Variants in TNRC18 observed in about 807,000 individuals in gnomAD.
The protein encoded by TNRC18 is trinucleotide repeat containing 18, also known as trinucleotide repeat-containing gene 18 protein.
Under a neutral mutation model 226.7 loss-of-function variants are expected in TNRC18, and 69 were observed. The ratio of observed to expected loss-of-function variants is 0.30; its 90% confidence interval spans 0.25 to 0.37. TNRC18 has a LOEUF of 0.37. TNRC18 is among the 10% of genes least tolerant of loss of function. The pLI, the probability that TNRC18 is intolerant of heterozygous loss-of-function variation, is 1.00. For synonymous variants in TNRC18, 2,449 were observed against 1,927.6 expected (o/e 1.27, Z -7.09); for missense variants, 4,754 against 4,256.6 (o/e 1.12, Z -3.25).
At chr7:5,308,464 C>A (rs1185549973) in intron 29 of TNRC18, among the ~76,000 whole-genome samples, 152 bp from the exon 30 acceptor site, 1 of 151,048 alleles carries the variant, frequency 6.6e-6, no homozygotes, top group East Asian at 1.9e-4. Context: ...AAGAGACAGA[C>A]CAACAAAAGA....
At chr7:5,347,824 G>A (rs1385989555) in intron 17 of TNRC18, among the ~76,000 whole-genome samples, 3 of 151,748 alleles carry the variant, frequency 2.0e-5, no homozygotes, top group African/African-American at 2.4e-5. Flanking sequence ...GTGCAGTGGC[G>A]GACACCTGTA....
In TNRC18 at chr7:5,371,312, G is replaced by T. The variant is rs372753028; in HGVS notation, c.3282C>A (p.Pro1094=). The change falls in exon 11 of 30, where the codon CCC becomes CCA. Residue 1094 remains proline (P), a synonymous_variant. Transcript: ENST00000430969. ...CCGTGGGCTGCAGCAGGAAAGGGTA[G>T]GGCCTCCCGTAGTGCGGTGGCAGGG... ...FQALPPHYGR[P]YPFLLQPTAA... The T allele has an allele frequency of 1.3e-6, 2 of 1,553,948 alleles. No homozygotes were observed. Among genetic ancestry groups the T allele is most frequent in the South Asian group, 2.4e-5 (2 of 84,070 alleles).
At position 5,370,485 on chromosome 7, in the gene TNRC18, T is replaced by G; in HGVS notation, c.4109A>C (p.Lys1370Thr). ...GACAAGGCTCTCGGCTGCTTCCAGC[T>G]TCTCCAAGGCCTGGGCTCCAGCAGC... The part of the protein sequence containing the change: ...PGAAGAQALE[K>T]LEAAESLVLE... Residue 1370 changes from lysine to threonine, a missense_variant, in exon 11 of 30, where the codon AAG (lysine) becomes ACG (threonine). Physicochemically the swap from Lys to Thr is moderately conservative, Grantham distance 78. Transcript: ENST00000430969. The G allele has an allele frequency of 6.3e-7, 1 of 1,589,280 alleles. No homozygotes were observed. The highest frequency in any genetic ancestry group is 8.6e-7 in the Non-Finnish European group (1 of 1,167,898).
Position 5,351,968 on chromosome 7 carries a change from C to A in TNRC18, c.5321G>T (p.Gly1774Val), listed in dbSNP as rs1414510557. The change falls in exon 17 of 30, where the codon GGC becomes GTC. Residue 1774 changes from glycine to valine, a missense_variant. Coordinates refer to ENST00000430969, the MANE Select transcript of TNRC18 (RefSeq NM_001080495.3). ...MVAKNSKAAG[G>V]PKLTKRGLAA... ...CAGGCCCCTCTTGGTCAGCTTGGGG[C>A]CACCAGCTGCCTTGCTGTTCTTTGC... 1.2e-6 allele frequency: 2 copies of A among 1,613,976 alleles called. No homozygotes were observed. Among genetic ancestry groups the A allele is most frequent in the Non-Finnish European group, 1.7e-6 (2 of 1,179,884 alleles).
chr7:5,350,866 C>G (rs780470670), intron 17 of TNRC18, among the ~76,000 whole-genome samples: 1 of 152,158 alleles, frequency 6.6e-6, no homozygotes, highest in Non-Finnish European at 1.5e-5. Context: ...GATGCGGCAA[C>G]GGAGCCGCTT....
Position 5,320,403 on chromosome 7 carries a change from G to A in TNRC18, c.6660C>T (p.Ser2220=). 1.3e-6 allele frequency: 2 copies of A among 1,562,328 alleles called. No individual in the cohort carries two copies. The highest frequency in any genetic ancestry group is 1.2e-5 in the South Asian group (1 of 84,668). The change falls in exon 24 of 30, where the codon TCC becomes TCT. Residue 2220 remains serine, a synonymous_variant. Coordinates refer to ENST00000430969, the MANE Select transcript of TNRC18 (RefSeq NM_001080495.3). ...TGGTCCCTTGTGGCAAGAAGCGAGTGGAGGCTGGCCTCACATCGATGATCT... is the reference window on the plus strand; with the variant it reads ...TGGTCCCTTGTGGCAAGAAGCGAGTAGAGGCTGGCCTCACATCGATGATCT... ...QEAIIDVRPA[S]TRFLPQGTRI...
At chr7:5,346,140 T>C (rs1231198844) in intron 17 of TNRC18, among the ~76,000 whole-genome samples, 1 of 152,158 alleles carries the variant, frequency 6.6e-6, no homozygotes, top group Admixed American at 6.6e-5. Flanking sequence ...GGAGACAGCG[T>C]TCTCCACAGT....
intron 1 of TNRC18, chr7:5,423,201 G>C (rs1439072602): frequency 6.6e-6 from 1 of 152,202 alleles, no homozygotes; most frequent in Admixed American, 6.5e-5. Flanking sequence ...GCCGGGCCAG[G>C]AGGGCCGGAG....
At chr7:5,317,663 C>CA (rs976331934) in intron 24 of TNRC18, among the ~76,000 whole-genome samples, 8 of 145,520 alleles carry the variant, frequency 5.5e-5, no homozygotes, top group East Asian at 4.0e-4. Flanking sequence ...GTTGATAAAA[C>CA]AAAAAAAAAT....
chr7:5,361,630 G>C lies in TNRC18; in HGVS notation c.4625C>G (p.Pro1542Arg), dbSNP rs1481115167. The change falls in exon 14 of 30, where the codon CCC (proline) becomes CGC (arginine). Residue 1542 changes from proline to arginine, a missense_variant. By Grantham distance (103) the Pro-to-Arg change is moderately radical. Coordinates refer to ENST00000430969, the MANE Select transcript of TNRC18 (RefSeq NM_001080495.3). ...GTGGCCGCTCTTCCCTCTCTTGCGG[G>C]GGGGCGACAGGGCGCTCGGGGCGTG... ...RTHAPSALSP[P>R]RKRGKSGHSS... The C allele has an allele frequency of 1.9e-6, 3 of 1,547,490 alleles. No homozygotes were observed.
intron 5 of TNRC18, among the ~76,000 whole-genome samples, chr7:5,381,874 G>C (rs536846240): frequency 2.8e-4 from 43 of 152,180 alleles, no homozygotes; most frequent in African/African-American, 8.2e-4. Flanking sequence ...GCTGAGGCAG[G>C]AGAATCACTT....
chr7:5,315,923 C>A (rs1337845661), intron 25 of TNRC18, 33 bp downstream of exon 25: 2 of 1,510,062 alleles, frequency 1.3e-6, no homozygotes. Context: ...CGGCCCCTGG[C>A]AGGAGACCGG....
chr7:5,419,245 G>T lies in TNRC18; in HGVS notation c.187+1815C>A, dbSNP rs181713293. On this transcript the variant is annotated intron_variant, in intron 2 of 29. Transcript: ENST00000430969. Reference sequence around the variant, plus strand: ...GCCCTGGCACTGTGCATGCATGCATGAGTAGTAGCTTGTTTTCACCGCTTC... The same window carrying T: ...GCCCTGGCACTGTGCATGCATGCATTAGTAGTAGCTTGTTTTCACCGCTTC... 2.0e-5 allele frequency among the ~76,000 whole-genome samples: 3 copies of T among 152,388 alleles called. 1 individual carries two copies. In the East Asian group the frequency reaches 5.8e-4, roughly 29 times the overall value.
At chr7:5,332,348 G>T (rs1789607039) in intron 19 of TNRC18, among the ~76,000 whole-genome samples, 1 of 152,164 alleles carries the variant, frequency 6.6e-6, no homozygotes, top group South Asian at 2.1e-4. Flanking sequence ...CAGGAGGACT[G>T]CTAGAGGCCA....
intron 18 of TNRC18, among the ~76,000 whole-genome samples, chr7:5,342,798 G>A (rs1282732705): frequency 2.6e-5 from 4 of 152,150 alleles, no homozygotes; most frequent in African/African-American, 9.7e-5. Flanking sequence ...TAGGTAAAAC[G>A]CTATCACAGT....
At chr7:5,385,494 CAAAAAA>C (rs60919833) in intron 5 of TNRC18, among the ~76,000 whole-genome samples, 14,818 of 86,514 alleles carry the variant, frequency 0.17, 1,201 homozygotes, top group African/African-American at 0.31. Context: ...GACTCCGTCT[CAAAAAA>C]AAAAAAAAAA....
Position 5,388,324 on chromosome 7 carries a change from G to GGGGGGGGGC in TNRC18, c.1499_1500insGCCCCCCCC (p.Pro501_Pro503dup). ...TATGCTCAGGGCCGGTGGGCGGGGG[G>GGGGGGGGGC]CGCCCGGGCTCCAGGCCGAAGAGCT... On this transcript the variant is annotated inframe_insertion, in exon 5 of 30. Coordinates refer to ENST00000430969, the MANE Select transcript of TNRC18 (RefSeq NM_001080495.3). 1 of 1,524,868 alleles carries GGGGGGGGGC rather than the reference G, an allele frequency of 6.6e-7. No individual in the cohort carries two copies. 94.5% of individuals were successfully genotyped at this position (1,524,868 alleles called of 1,614,324 possible).
At position 5,370,472 on chromosome 7, in the gene TNRC18, G is replaced by A. The variant is rs201136741; in HGVS notation, c.4122C>T (p.Ala1374=). The change falls in exon 11 of 30, where the codon GCC becomes GCT. Residue 1374 remains alanine (A), a synonymous_variant. Coordinates refer to ENST00000430969, the MANE Select transcript of TNRC18 (RefSeq NM_001080495.3). ...GAQALEKLEA[A]ESLVLEQSFL... ...AGCTCTGCTCCAAGACAAGGCTCTC[G>A]GCTGCTTCCAGCTTCTCCAAGGCCT... The A allele has an allele frequency of 4.3e-5, 68 of 1,581,960 alleles. No homozygotes were observed. The highest frequency in any genetic ancestry group is 4.0e-4 in the Admixed American group (22 of 54,770).
At chr7:5,372,629 C>G (rs1794276745) in intron 10 of TNRC18, among the ~76,000 whole-genome samples, 1 of 152,106 alleles carries the variant, frequency 6.6e-6, no homozygotes. Context: ...GTGGAAAGAT[C>G]ACTTGAACCT....
Sources: gnomAD v4.1 joint callset for allele counts (sites outside exome capture counted in the v4.1 genomes callset) on GRCh38, gnomAD v4.1.1 for gene constraint, MANE v1.5 for transcripts, NCBI Gene and HGNC (gene_info 2026-07-23, HGNC 2026-07-21) for gene names.